ZNF423: variants seen among roughly 807,000 people sequenced by gnomAD.
The protein encoded by ZNF423 is Ebf-associated zinc finger protein.
In ZNF423, 12 loss-of-function variants were observed where a neutral mutation model predicts 95.8. The ratio of observed to expected loss-of-function variants is 0.13; its 90% CI spans 0.08 to 0.20. ZNF423 has a LOEUF of 0.20. Ranked by LOEUF, ZNF423 falls within the 10% of genes least tolerant of loss-of-function variation. The pLI, the probability that ZNF423 is intolerant of heterozygous loss-of-function variation, is 1.00. For synonymous variants in ZNF423, 749 were observed against 711.9 expected (o/e 1.05, Z -0.83); for missense variants, 1,316 against 1,737.1 (o/e 0.76, Z 4.31).
At chr16:49,566,554 C>T (rs1970197673) in intron 5 of ZNF423, among the ~76,000 whole-genome samples, 1 of 152,178 alleles carries the variant, frequency 6.6e-6, no homozygotes. Context: ...AGGCCACCTC[C>T]CAAAATGAGT....
intron 1 of ZNF423, among the ~76,000 whole-genome samples, chr16:49,838,200 G>A (rs2035141328): frequency 6.6e-6 from 1 of 152,212 alleles, no homozygotes; most frequent in African/African-American, 2.4e-5. Context: ...CACCCCCGGG[G>A]CCAGGCCTCC....
intron 2 of ZNF423, among the ~76,000 whole-genome samples, chr16:49,764,172 C>G (rs942847982): frequency 2.0e-5 from 3 of 152,184 alleles, no homozygotes; most frequent in African/African-American, 7.2e-5. Flanking sequence ...CAGAGGACCC[C>G]TCGCTCCCAT....
At chr16:49,673,039 C>T (rs1342592592) in intron 3 of ZNF423, among the ~76,000 whole-genome samples, 1 of 152,134 alleles carries the variant, frequency 6.6e-6, no homozygotes, top group African/African-American at 2.4e-5. Flanking sequence ...GAGCCCAAGG[C>T]GGTCTCCCAC....
intron 1 of ZNF423, among the ~76,000 whole-genome samples, chr16:49,798,509 G>A (rs1343938887): frequency 6.6e-6 from 1 of 151,986 alleles, no homozygotes; most frequent in Non-Finnish European, 1.5e-5. Context: ...CTCTGTCTCA[G>A]AAACAAAACA....
chr16:49,718,103 C>A (rs1361417547), intron 3 of ZNF423, among the ~76,000 whole-genome samples: 4 of 152,178 alleles, frequency 2.6e-5, no homozygotes, highest in Non-Finnish European at 4.4e-5. Flanking sequence ...ACCCAGTTCC[C>A]AGCACACAGT....
intron 3 of ZNF423, among the ~76,000 whole-genome samples, chr16:49,682,958 T>C (rs914396574): frequency 7.2e-5 from 11 of 152,210 alleles, no homozygotes; most frequent in South Asian, 2.1e-4. Flanking sequence ...CGGGCACCCG[T>C]GTCATGCAAG....
intron 5 of ZNF423, among the ~76,000 whole-genome samples, chr16:49,585,858 T>C (rs1472857133): frequency 2.6e-5 from 4 of 152,144 alleles, no homozygotes; most frequent in Non-Finnish European, 4.4e-5. Flanking sequence ...ACCAAAGTTC[T>C]CAAGGCTGGC....
intron 3 of ZNF423, among the ~76,000 whole-genome samples, chr16:49,639,811 C>G (rs533647847): frequency 1.3e-5 from 2 of 152,248 alleles, no homozygotes; most frequent in East Asian, 3.8e-4. Flanking sequence ...CACAACCCCC[C>G]TCGTTTGCTG....
intron 5 of ZNF423, among the ~76,000 whole-genome samples, chr16:49,549,320 C>T (rs1433010018): frequency 6.6e-6 from 1 of 152,160 alleles, no homozygotes; most frequent in Admixed American, 6.5e-5. Context: ...CAGGCCATGC[C>T]CCACCCTGCC....
At chr16:49,730,006 G>C (rs964325288) in intron 3 of ZNF423, among the ~76,000 whole-genome samples, 1 of 152,094 alleles carries the variant, frequency 6.6e-6, no homozygotes, top group African/African-American at 2.4e-5. Flanking sequence ...ACTGTGTAAG[G>C]AACACAGGTC....
At chr16:49,744,063 G>C (rs751735951) in intron 2 of ZNF423, among the ~76,000 whole-genome samples, 2 of 152,108 alleles carry the variant, frequency 1.3e-5, no homozygotes, top group Non-Finnish European at 2.9e-5. Flanking sequence ...CATGCAAGCA[G>C]CTGGCTCCTC....
At chr16:49,700,915 G>C (rs2032158424) in intron 3 of ZNF423, among the ~76,000 whole-genome samples, 1 of 152,112 alleles carries the variant, frequency 6.6e-6, no homozygotes, top group African/African-American at 2.4e-5. Context: ...AAGGAGGAGG[G>C]AGGAGGGAAG....
In ZNF423 at chr16:49,638,790, T is replaced by A. The variant is rs1425244362; in HGVS notation, c.386A>T (p.Asp129Val). 1 of 1,613,866 alleles carries A rather than the reference T, an allele frequency of 6.2e-7. No individual in the cohort carries two copies. The highest frequency in any genetic ancestry group is 8.5e-7 in the Non-Finnish European group (1 of 1,180,012). Residue 129 changes from aspartate to valine, a missense_variant, in exon 4 of 8, where the codon GAT becomes GTT. Physicochemically the swap from Asp to Val is radical, Grantham distance 152. Transcript: ENST00000563137. The surrounding 1 kb of genome is among the most constrained non-coding windows in gnomAD (Gnocchi z 5.6). ...CTCGCCGAGGCCGAGGTCACAACCATCTCCGATCATCTGCGTGGGTGACGC... is the reference window on the plus strand; with the variant it reads ...CTCGCCGAGGCCGAGGTCACAACCAACTCCGATCATCTGCGTGGGTGACGC... Reference protein sequence around the residue: ...DVASPTQMIGDGCDLGLGEEE... With the variant: ...DVASPTQMIGVGCDLGLGEEE...
At chr16:49,788,216 C>T (rs2034350032) in intron 2 of ZNF423, among the ~76,000 whole-genome samples, 2 of 152,366 alleles carry the variant, frequency 1.3e-5, no homozygotes, top group South Asian at 2.1e-4. Context: ...GTGCCCAAGC[C>T]TGGGTCAACC....
chr16:49,663,106 C>T lies in ZNF423; in HGVS notation c.302-24232G>A, dbSNP rs368569378. Among the ~76,000 whole-genome samples, 22 of 152,306 alleles carry T rather than the reference C, an allele frequency of 1.4e-4. No individual in the cohort carries two copies. In the East Asian group the frequency reaches 3.1e-3, roughly 21 times the overall value. ...GTCCTCCCGAGTCTGCAGCTCTATG[C>T]AAAGCGCACCCACCATTCCTCTCCA... On this transcript the variant is annotated intron_variant, in intron 3 of 7. Coordinates refer to ENST00000563137, the MANE Select transcript of ZNF423 (RefSeq NM_001379286.1).
At chr16:49,741,735 C>T (rs550471570) in intron 2 of ZNF423, among the ~76,000 whole-genome samples, 5 of 152,342 alleles carry the variant, frequency 3.3e-5, no homozygotes, top group African/African-American at 1.2e-4. Flanking sequence ...TCATTCCTCA[C>T]CAGAAAGAGC....
At chr16:49,856,662 C>T (rs1176861288), upstream of ZNF423, among the ~76,000 whole-genome samples, 1 of 150,472 alleles carries the variant, frequency 6.6e-6, no homozygotes, top group Admixed American at 6.6e-5. Context: ...ATCGGCCCGG[C>T]GCCGGCCCCC....
intron 7 of ZNF423, among the ~76,000 whole-genome samples, chr16:49,497,952 C>T (rs77325592): frequency 6.6e-6 from 1 of 152,202 alleles, no homozygotes. Flanking sequence ...GAGAGGACTT[C>T]CAATAGGAGA....
At chr16:49,583,638 T>C (rs190484970) in intron 5 of ZNF423, among the ~76,000 whole-genome samples, 3 of 152,324 alleles carry the variant, frequency 2.0e-5, no homozygotes, top group East Asian at 3.9e-4. Flanking sequence ...CACACACTTA[T>C]ATGTCGTCAA....
Sources: allele counts gnomAD v4.1 joint callset (sites outside exome capture counted in the v4.1 genomes callset), GRCh38; gene constraint gnomAD v4.1.1; non-coding constraint Gnocchi (gnomAD v3.1); transcripts MANE v1.5; gene names NCBI Gene and HGNC (gene_info 2026-07-23, HGNC 2026-07-21).